The following GABRG2 variants were observed in gnomAD, a reference collection of about 807,000 sequenced individuals.
GABRG2 encodes the protein gamma-aminobutyric acid receptor subunit gamma-2.
GABRG2 carries 16 observed loss-of-function variants against 56.4 expected under a neutral mutation model. That is an observed-to-expected ratio of 0.28 (90% confidence interval 0.19 to 0.43). GABRG2 has a LOEUF of 0.43. Ranked by LOEUF, GABRG2 falls within the 20% of genes least tolerant of loss-of-function variation. The pLI, the probability that GABRG2 is intolerant of heterozygous loss-of-function variation, is 1.00. For synonymous variants in GABRG2, 208 were observed against 205.5 expected (o/e 1.01, Z -0.10); for missense variants, 327 against 582.7 (o/e 0.56, Z 4.52).
At chr5:162,080,937 A>G (rs1354690891) in intron 1 of GABRG2, among the ~76,000 whole-genome samples, 1 of 152,200 alleles carries the variant, frequency 6.6e-6, no homozygotes, top group East Asian at 1.9e-4. Context: ...TTGTTTTTAC[A>G]GAGCTAAATA....
At chr5:162,144,074 A>G (rs1233326623) in intron 7 of GABRG2, among the ~76,000 whole-genome samples, 1 of 152,176 alleles carries the variant, frequency 6.6e-6, no homozygotes, top group Non-Finnish European at 1.5e-5. Context: ...ACAAACCCCA[A>G]ATATGTTGAG....
intron 1 of GABRG2, among the ~76,000 whole-genome samples, chr5:162,074,646 T>C (rs933996236): frequency 5.9e-5 from 9 of 152,112 alleles, no homozygotes; most frequent in African/African-American, 2.2e-4. Context: ...TTGCTGGTTA[T>C]CAGTTCTTTT....
chr5:162,138,260 T>C (rs1581431766), intron 6 of GABRG2, among the ~76,000 whole-genome samples: 1 of 152,182 alleles, frequency 6.6e-6, no homozygotes, highest in Non-Finnish European at 1.5e-5. Flanking sequence ...ATTTATTTTG[T>C]GTATTAGAGT....
chr5:162,070,718 C>A (rs949868500), intron 1 of GABRG2, among the ~76,000 whole-genome samples: 2 of 151,768 alleles, frequency 1.3e-5, no homozygotes, highest in South Asian at 4.1e-4. Context: ...ATTTCTGAAA[C>A]CCAAAATTTT....
intron 5 of GABRG2, chr5:162,102,388 G>C (rs574223426): frequency 1.3e-4 from 55 of 408,544 alleles, no homozygotes; most frequent in African/African-American, 1.0e-3. Context: ...AAGAACTGTT[G>C]ATTTCTCTGC....
chr5:162,128,388 G>C (rs1763485753), intron 6 of GABRG2: 1 of 151,922 alleles, frequency 6.6e-6, no homozygotes, highest in Non-Finnish European at 1.5e-5. Context: ...GACTAAGTGT[G>C]GTAAGACTGT....
At chr5:162,148,165 T>C (rs1765098862) in intron 7 of GABRG2, among the ~76,000 whole-genome samples, 1 of 152,184 alleles carries the variant, frequency 6.6e-6, no homozygotes, top group South Asian at 2.1e-4. Context: ...TTTGGATAGG[T>C]GCTTTTGTAT....
Position 162,106,438 on chromosome 5 carries a change from G to A in GABRG2, c.769+2412G>A, listed in dbSNP as rs186880600. 1.6e-3 allele frequency among the ~76,000 whole-genome samples: 247 copies of A among 152,190 alleles called. 1 individual carries two copies. The highest frequency in any genetic ancestry group is 2.9e-3 in the Non-Finnish European group (195 of 68,022). On this transcript the variant is annotated intron_variant, in intron 6 of 9. Transcript: ENST00000639213. ...TGAACATTAGTGTTGATAACGAAAG[G>A]CAGGCTGATTTCTGTGACAGCTGAT...
At chr5:162,072,574 C>T (rs916604253) in intron 1 of GABRG2, among the ~76,000 whole-genome samples, 1 of 151,990 alleles carries the variant, frequency 6.6e-6, no homozygotes, top group African/African-American at 2.4e-5. Flanking sequence ...CTTTCTGCTG[C>T]CAGGGGATCA....
chr5:162,091,766 G>T (rs1581336971), intron 1 of GABRG2, among the ~76,000 whole-genome samples: 4 of 152,198 alleles, frequency 2.6e-5, no homozygotes, highest in Admixed American at 1.3e-4. Context: ...CCAGATAATA[G>T]TAATAACGGT....
At chr5:162,098,771 T>C (rs1481181088) in intron 4 of GABRG2, 1 of 152,134 alleles carries the variant, frequency 6.6e-6, no homozygotes, top group Admixed American at 6.6e-5. Context: ...ATGTTTTTAT[T>C]TAGAAAAATT....
intron 5 of GABRG2, chr5:162,103,038 TTTA>T (rs1761550165): frequency 6.5e-6 from 1 of 153,542 alleles, no homozygotes; most frequent in African/African-American, 2.4e-5. Flanking sequence ...CTGATTTTTA[TTTA>T]TTTTCTTGAA....
intron 6 of GABRG2, among the ~76,000 whole-genome samples, chr5:162,130,533 G>T (rs1313649619): frequency 6.6e-6 from 1 of 151,798 alleles, no homozygotes; most frequent in Non-Finnish European, 1.5e-5. Flanking sequence ...AGTTACCCAG[G>T]CTCATCAAAA....
intron 6 of GABRG2, among the ~76,000 whole-genome samples, chr5:162,110,851 T>C (rs1333422555): frequency 1.3e-5 from 2 of 152,040 alleles, no homozygotes; most frequent in East Asian, 1.9e-4. Flanking sequence ...AGTAATAGAT[T>C]TTAATTTTAT....
intron 1 of GABRG2, among the ~76,000 whole-genome samples, chr5:162,076,223 G>T (rs1344544958): frequency 2.0e-5 from 3 of 152,004 alleles, no homozygotes; most frequent in Non-Finnish European, 4.4e-5. Context: ...ATATTAAGGG[G>T]CACATAGTTA....
intron 9 of GABRG2, 148 bp from the exon 10 acceptor site, chr5:162,152,945 A>G: frequency 2.1e-6 from 2 of 957,258 alleles, no homozygotes; most frequent in Non-Finnish European, 3.2e-6. Context: ...TCTAAGTTCA[A>G]TTTTACCATT....
At chr5:162,085,252 A>G (rs1267965857) in intron 1 of GABRG2, among the ~76,000 whole-genome samples, 1 of 152,016 alleles carries the variant, frequency 6.6e-6, no homozygotes, top group East Asian at 1.9e-4. Context: ...TTCCTTGTAC[A>G]TATATTAAGT....
chr5:162,089,887 A>C (rs1019078514), intron 1 of GABRG2, among the ~76,000 whole-genome samples: 1 of 152,138 alleles, frequency 6.6e-6, no homozygotes, highest in Non-Finnish European at 1.5e-5. Context: ...TGAAATACCT[A>C]GGTGGAAATT....
At chr5:162,072,965 T>A (rs1393441656) in intron 1 of GABRG2, among the ~76,000 whole-genome samples, 2 of 151,986 alleles carry the variant, frequency 1.3e-5, no homozygotes, top group Non-Finnish European at 2.9e-5. Flanking sequence ...TGTGTTTTTT[T>A]AATCAGTTTG....
Sources: allele counts gnomAD v4.1 joint callset (sites outside exome capture counted in the v4.1 genomes callset), GRCh38; gene constraint gnomAD v4.1.1; transcripts MANE v1.5; gene names NCBI Gene and HGNC (gene_info 2026-07-23, HGNC 2026-07-21).